SMYD3: variants seen among roughly 807,000 people sequenced by gnomAD.
The protein encoded by SMYD3 is SET and MYND domain containing 3.
Under a neutral mutation model 57.7 loss-of-function variants are expected in SMYD3, and 36 were observed. The observed-to-expected ratio is 0.62, with a 90% CI of 0.48 to 0.82. The LOEUF is 0.82. SMYD3 is among the 40% of genes least tolerant of loss of function. The pLI, the probability that SMYD3 is intolerant of heterozygous loss-of-function variation, is 0.00. For synonymous variants in SMYD3, 211 were observed against 195.0 expected (o/e 1.08, Z -0.68); for missense variants, 515 against 538.8 (o/e 0.96, Z 0.44).
chr1:245,797,762 G>T (rs908627786), intron 10 of SMYD3, among the ~76,000 whole-genome samples: 2 of 144,790 alleles, frequency 1.4e-5, no homozygotes, highest in African/African-American at 5.3e-5. Flanking sequence ...GTCCACTGCA[G>T]ACGCCCCCTA....
At chr1:246,499,845 A>G (rs2068430330) in intron 1 of SMYD3, among the ~76,000 whole-genome samples, 1 of 126,100 alleles carries the variant, frequency 7.9e-6, no homozygotes, top group African/African-American at 2.9e-5. Context: ...TAAACAAAAC[A>G]TCATCAGCAC....
intron 5 of SMYD3, among the ~76,000 whole-genome samples, chr1:246,001,381 C>T (rs1220930806): frequency 1.3e-5 from 2 of 152,180 alleles, no homozygotes; most frequent in East Asian, 3.9e-4. Flanking sequence ...CTCTTGCCAA[C>T]CCATCTTCAA....
chr1:245,919,832 T>C (rs1211854417), intron 7 of SMYD3, among the ~76,000 whole-genome samples: 1 of 152,352 alleles, frequency 6.6e-6, no homozygotes, highest in East Asian at 1.9e-4. Flanking sequence ...TTAATGCCAT[T>C]GACCACTGCT....
intron 8 of SMYD3, among the ~76,000 whole-genome samples, chr1:245,893,574 C>G (rs2053531509): frequency 6.6e-6 from 1 of 152,120 alleles, no homozygotes; most frequent in South Asian, 2.1e-4. Flanking sequence ...GTACAAATAA[C>G]ATGGCTAAGC....
intron 5 of SMYD3, among the ~76,000 whole-genome samples, chr1:246,092,419 G>A (rs545246004): frequency 1.3e-5 from 2 of 152,224 alleles, no homozygotes; most frequent in South Asian, 2.1e-4. Flanking sequence ...CTGGCAAATA[G>A]GCCAGTGGAA....
At chr1:246,328,199 A>G (rs1243081880) in intron 4 of SMYD3, among the ~76,000 whole-genome samples, 1 of 151,076 alleles carries the variant, frequency 6.6e-6, no homozygotes, top group East Asian at 1.9e-4. Context: ...TCTCCAAAAA[A>G]CAAAGACAAA....
intron 7 of SMYD3, among the ~76,000 whole-genome samples, chr1:245,921,547 G>GTACATA (rs1491323831): frequency 1.1e-4 from 4 of 35,088 alleles, no homozygotes; most frequent in African/African-American, 2.6e-4. Flanking sequence ...AAAAAATGTG[G>GTACATA]TGTATATATA....
At chr1:246,056,351 G>C (rs1476889253) in intron 5 of SMYD3, among the ~76,000 whole-genome samples, 1 of 152,040 alleles carries the variant, frequency 6.6e-6, no homozygotes. Flanking sequence ...TGCGGGCAGG[G>C]GGACATTCAT....
intron 5 of SMYD3, among the ~76,000 whole-genome samples, chr1:246,307,413 C>CTTTTTTTTTT (rs869254416): frequency 1.0e-5 from 1 of 96,068 alleles, no homozygotes; most frequent in Non-Finnish European, 2.0e-5. Context: ...TTAGGGGATT[C>CTTTTTTTTTT]TTTTTTTTTT....
chr1:245,814,667 A>T (rs1249437013), intron 10 of SMYD3, among the ~76,000 whole-genome samples: 1 of 152,138 alleles, frequency 6.6e-6, no homozygotes, highest in Admixed American at 6.5e-5. Context: ...AGGTCACTTA[A>T]GCTTGTGCCG....
At chr1:246,114,390 G>A (rs2061307848) in intron 5 of SMYD3, among the ~76,000 whole-genome samples, 1 of 152,228 alleles carries the variant, frequency 6.6e-6, no homozygotes, top group Non-Finnish European at 1.5e-5. Flanking sequence ...CAACAAGGAA[G>A]AGGCCAGCCC....
intron 5 of SMYD3, among the ~76,000 whole-genome samples, chr1:246,145,466 T>A (rs2061828669): frequency 1.3e-5 from 2 of 152,268 alleles, no homozygotes; most frequent in African/African-American, 4.8e-5. Context: ...TATAGGCATC[T>A]GAGCTTCACT....
chr1:245,793,048 T>G (rs2791386), intron 10 of SMYD3, among the ~76,000 whole-genome samples: 113,020 of 151,024 alleles, frequency 0.75, 42,470 homozygotes, highest in Middle Eastern at 0.87. Flanking sequence ...CAGTGGCTCA[T>G]GCCTGTAATC....
intron 1 of SMYD3, among the ~76,000 whole-genome samples, chr1:246,418,981 C>T (rs1012660486): frequency 1.3e-5 from 2 of 152,292 alleles, no homozygotes; most frequent in East Asian, 3.9e-4. Flanking sequence ...TTTGTTCCCT[C>T]CCCACCCTAA....
chr1:246,420,762 C>T (rs2067131401), intron 1 of SMYD3, among the ~76,000 whole-genome samples: 1 of 152,148 alleles, frequency 6.6e-6, no homozygotes, highest in Non-Finnish European at 1.5e-5. Context: ...AAAGGTAGTG[C>T]CCACTAAAAT....
At chr1:246,314,186 T>A (rs1558395625) in intron 5 of SMYD3, among the ~76,000 whole-genome samples, 1 of 152,196 alleles carries the variant, frequency 6.6e-6, no homozygotes, top group East Asian at 1.9e-4. Flanking sequence ...AAATCCTGAT[T>A]AAATAATTTA....
chr1:246,265,627 C>A (rs1007937523), intron 5 of SMYD3, among the ~76,000 whole-genome samples: 1 of 152,042 alleles, frequency 6.6e-6, no homozygotes, highest in African/African-American at 2.4e-5. Flanking sequence ...TCAGTATAAA[C>A]AAAACAACAA....
In SMYD3 at chr1:246,131,292, T is replaced by A. The variant is rs549666212; in HGVS notation, c.531+195909A>T. Among the ~76,000 whole-genome samples the A allele has an allele frequency of 9.8e-5, 15 of 152,306 alleles. No individual in the cohort carries two copies. In the South Asian group the frequency reaches 2.5e-3, roughly 25 times the overall value. On this transcript the variant is annotated intron_variant, in intron 5 of 11. Transcript: ENST00000490107. Reference sequence around the variant, plus strand: ...TGTCGTGTTTAATTCCAGATTATTATAACAAAACACTGTGTACATGGTGGT... The same window carrying A: ...TGTCGTGTTTAATTCCAGATTATTAAAACAAAACACTGTGTACATGGTGGT...
chr1:245,812,112 G>A (rs532849232), intron 10 of SMYD3, among the ~76,000 whole-genome samples: 59 of 152,198 alleles, frequency 3.9e-4, no homozygotes, highest in African/African-American at 1.2e-3. Flanking sequence ...TCCGGGATAC[G>A]AGTCTGCAGG....
Sources: allele counts gnomAD v4.1 joint callset (sites outside exome capture counted in the v4.1 genomes callset), GRCh38; gene constraint gnomAD v4.1.1; transcripts MANE v1.5; gene names NCBI Gene and HGNC (gene_info 2026-07-23, HGNC 2026-07-21).